SLC25A48: variants seen among roughly 807,000 people sequenced by gnomAD.
The protein encoded by SLC25A48 is solute carrier family 25 member 48.
A neutral mutation model predicts 32.2 loss-of-function variants in SLC25A48; 29 were observed. The ratio of observed to expected loss-of-function variants is 0.90; its 90% CI spans 0.67 to 1.23. The LOEUF is 1.23. Ranked by LOEUF, SLC25A48 falls within the 50% of genes most tolerant of loss-of-function variation. SLC25A48 has a pLI of 0.00. For synonymous variants in SLC25A48, 164 were observed against 172.3 expected (o/e 0.95, Z 0.38); for missense variants, 399 against 422.7 (o/e 0.94, Z 0.49).
chr5:135,659,469 A>C (rs1753334701), intron 3 of SLC25A48, among the ~76,000 whole-genome samples: 2 of 152,208 alleles, frequency 1.3e-5, no homozygotes, highest in Non-Finnish European at 2.9e-5. Flanking sequence ...GTCTCTAGGA[A>C]ATTCCGAACC....
chr5:135,866,298 A>C (rs1396145579), intron 4 of SLC25A48, among the ~76,000 whole-genome samples: 1 of 152,236 alleles, frequency 6.6e-6, no homozygotes, highest in Admixed American at 6.5e-5. Flanking sequence ...TGCTCCCCTC[A>C]GTGGCCAGCC....
chr5:135,733,017 G>T (rs1253778791), intron 3 of SLC25A48, among the ~76,000 whole-genome samples: 1 of 152,214 alleles, frequency 6.6e-6, no homozygotes, highest in Non-Finnish European at 1.5e-5. Context: ...GAGGACCCAT[G>T]CATAGTGAGG....
intron 3 of SLC25A48, among the ~76,000 whole-genome samples, chr5:135,739,177 A>G (rs1755445835): frequency 6.6e-6 from 1 of 151,982 alleles, no homozygotes; most frequent in Non-Finnish European, 1.5e-5. Context: ...GAGTGCAGTG[A>G]TGTGATCATG....
intron 4 of SLC25A48, among the ~76,000 whole-genome samples, chr5:135,858,187 C>G (rs1407415349): frequency 6.6e-6 from 1 of 152,316 alleles, no homozygotes; most frequent in African/African-American, 2.4e-5. Context: ...TTCTGTTCTT[C>G]CCTGTGTGCC....
chr5:135,884,765 A>G (rs1762657920), intron 7 of SLC25A48, among the ~76,000 whole-genome samples: 2 of 152,154 alleles, frequency 1.3e-5, no homozygotes, highest in Admixed American at 1.3e-4. Context: ...GGTGCGAGGC[A>G]TGCTTGCACA....
intron 3 of SLC25A48, among the ~76,000 whole-genome samples, chr5:135,699,112 C>T (rs6872080): frequency 0.58 from 88,966 of 152,096 alleles, 26,228 homozygotes; most frequent in South Asian, 0.63. Context: ...GATAAAACCG[C>T]TTTGGAAAAC....
chr5:135,708,474 C>G (rs1411668255), intron 3 of SLC25A48, among the ~76,000 whole-genome samples: 5 of 152,178 alleles, frequency 3.3e-5, no homozygotes, highest in Admixed American at 1.3e-4. Flanking sequence ...CAATAAGAGA[C>G]CTGCTAAATA....
intron 4 of SLC25A48, among the ~76,000 whole-genome samples, chr5:135,828,521 G>A (rs777995322): frequency 6.6e-6 from 1 of 152,224 alleles, no homozygotes; most frequent in Non-Finnish European, 1.5e-5. Flanking sequence ...TGCTGAGGAG[G>A]ATCATAGCCC....
chr5:135,877,053 G>T (rs761307685), intron 6 of SLC25A48, among the ~76,000 whole-genome samples: 106 of 152,304 alleles, frequency 7.0e-4, no homozygotes, highest in Non-Finnish European at 1.3e-3. Flanking sequence ...TAATAATGAC[G>T]ATGGTGACCA....
At chr5:135,778,464 C>T (rs1303530551) in intron 3 of SLC25A48, among the ~76,000 whole-genome samples, 2 of 151,786 alleles carry the variant, frequency 1.3e-5, no homozygotes, top group East Asian at 1.9e-4. Context: ...CCCGTCCCCC[C>T]GCTGTGATAT....
intron 3 of SLC25A48, among the ~76,000 whole-genome samples, chr5:135,700,559 C>T (rs1415279926): frequency 1.3e-5 from 2 of 152,154 alleles, no homozygotes; most frequent in Non-Finnish European, 2.9e-5. Flanking sequence ...CCCCCACGGG[C>T]AGATGTCTGG....
At chr5:135,873,492 G>T (rs79064508) in intron 5 of SLC25A48, among the ~76,000 whole-genome samples, 8,887 of 152,166 alleles carry the variant, frequency 0.058, 351 homozygotes, top group Non-Finnish European at 0.084. Context: ...CCCCCAGGCT[G>T]GCCCTTCCTT....
chr5:135,790,993 C>CG (rs35163080), intron 3 of SLC25A48, among the ~76,000 whole-genome samples: 179 of 150,512 alleles, frequency 1.2e-3, no homozygotes, highest in African/African-American at 3.8e-3. Context: ...TGTATAATTA[C>CG]GGGGGGGGTG....
intron 3 of SLC25A48, among the ~76,000 whole-genome samples, chr5:135,644,010 A>G: frequency 6.6e-6 from 1 of 152,216 alleles, no homozygotes; most frequent in East Asian, 1.9e-4. Flanking sequence ...GACTGATCTC[A>G]GAGAAAATAG....
intron 3 of SLC25A48, among the ~76,000 whole-genome samples, chr5:135,798,288 G>A (rs902806653): frequency 7.2e-5 from 11 of 151,814 alleles, no homozygotes; most frequent in African/African-American, 2.7e-4. Flanking sequence ...GGGGGAAAGA[G>A]GATGATATTA....
intron 1 of SLC25A48, among the ~76,000 whole-genome samples, chr5:135,836,065 G>C (rs566385478): frequency 6.6e-6 from 1 of 152,182 alleles, no homozygotes; most frequent in Non-Finnish European, 1.5e-5. Context: ...ACCATTCAGC[G>C]GGGCAGGCAG....
intron 2 of SLC25A48, among the ~76,000 whole-genome samples, chr5:135,844,493 G>T (rs1438028112): frequency 1.3e-5 from 2 of 152,186 alleles, no homozygotes; most frequent in Admixed American, 1.3e-4. Flanking sequence ...AAGCCAGAAA[G>T]CATGGGCTTT....
intron 3 of SLC25A48, among the ~76,000 whole-genome samples, chr5:135,736,909 GGGA>G (rs1390738315): frequency 2.0e-5 from 3 of 152,286 alleles, no homozygotes; most frequent in East Asian, 1.9e-4. Flanking sequence ...TAGTGAGAGA[GGGA>G]GGAGAAGAGA....
Position 135,598,840 on chromosome 5 carries a change from G to A in SLC25A48, c.-849+19243G>A, listed in dbSNP as rs555867430. On this transcript the variant is annotated intron_variant, in intron 1 of 10. Transcript: ENST00000646290. The stretch of plus-strand genomic sequence containing the variant: ...TGGAGGACATAGAGGCATCCTGTGC[G>A]CAGCGTCCGTAAACCAGCAGAACCA... Among the ~76,000 whole-genome samples the A allele has an allele frequency of 1.1e-4, 17 of 152,138 alleles. 1 individual carries two copies. The highest frequency in any genetic ancestry group is 5.9e-4 in the Admixed American group (9 of 15,280).
Sources: allele counts gnomAD v4.1 joint callset (sites outside exome capture counted in the v4.1 genomes callset), GRCh38; gene constraint gnomAD v4.1.1; transcripts MANE v1.5; gene names NCBI Gene and HGNC (gene_info 2026-07-23, HGNC 2026-07-21).